The following PKN2 variants were observed in gnomAD, a reference collection of about 807,000 sequenced individuals.
PKN2 encodes protein kinase N2, also known as serine/threonine-protein kinase N2.
Under a neutral mutation model 119.1 loss-of-function variants are expected in PKN2, and 38 were observed. The observed-to-expected ratio is 0.32, with a 90% CI of 0.25 to 0.42. The LOEUF is 0.42. PKN2 is among the 10% of genes least tolerant of loss of function. The pLI is 1.00. For synonymous variants in PKN2, 390 were observed against 384.9 expected (o/e 1.01, Z -0.15); for missense variants, 850 against 1,165.1 (o/e 0.73, Z 3.94).
chr1:88,684,954 G>A, intron 1 of PKN2: 1 of 287,080 alleles, frequency 3.5e-6, no homozygotes, highest in Non-Finnish European at 6.5e-6. Flanking sequence ...CCCTCCCTCG[G>A]TGTCAGAGCT....
intron 8 of PKN2, among the ~76,000 whole-genome samples, chr1:88,788,637 G>T (rs1183573125): frequency 6.6e-6 from 1 of 151,910 alleles, no homozygotes; most frequent in Non-Finnish European, 1.5e-5. Context: ...TAGAGATGGG[G>T]GTTCTCCATG....
At chr1:88,750,060 G>T (rs1255766263) in intron 2 of PKN2, among the ~76,000 whole-genome samples, 1 of 152,084 alleles carries the variant, frequency 6.6e-6, no homozygotes, top group East Asian at 1.9e-4. Flanking sequence ...TCGAGACCTT[G>T]GTTTTCTCAT....
Position 88,723,418 on chromosome 1 carries a change from C to CG in PKN2, c.49-17570_49-17569insG, listed in dbSNP as rs1170855197. Among the ~76,000 whole-genome samples, 4 of 148,460 alleles carry CG rather than the reference C, an allele frequency of 2.7e-5. 1 individual carries two copies. The highest frequency in any genetic ancestry group is 4.5e-4 in the South Asian group (2 of 4,406). ...GTAAGCCACCGTGCCCTGCCCCCCC[C>CG]CCTTTTATTTATTTGTTTATTTTGA... On this transcript the variant is annotated intron_variant, in intron 1 of 21. Transcript: ENST00000370521.
chr1:88,714,656 G>T (rs1557559100), intron 1 of PKN2, among the ~76,000 whole-genome samples: 1 of 152,116 alleles, frequency 6.6e-6, no homozygotes. Flanking sequence ...TACTTATCAG[G>T]TTAAGGAGAT....
intron 1 of PKN2, among the ~76,000 whole-genome samples, chr1:88,688,450 T>C (rs976773085): frequency 1.3e-5 from 2 of 152,232 alleles, no homozygotes; most frequent in Non-Finnish European, 1.5e-5. Flanking sequence ...TCTAATGTTA[T>C]AGTTGTATGA....
chr1:88,707,877 T>C (rs909264634), intron 1 of PKN2, among the ~76,000 whole-genome samples: 3 of 152,158 alleles, frequency 2.0e-5, no homozygotes, highest in African/African-American at 4.8e-5. Flanking sequence ...TCTTAGATAA[T>C]GGTGAAAGTA....
At chr1:88,804,335 T>C (rs1671449728) in intron 8 of PKN2, 56 bp from the exon 9 acceptor site, 2 of 1,287,800 alleles carry the variant, frequency 1.6e-6, no homozygotes, top group East Asian at 5.1e-5. Context: ...TTTATTCAAG[T>C]GTGTGTCCAA....
chr1:88,688,088 CTTT>C (rs35476552), intron 1 of PKN2, among the ~76,000 whole-genome samples: 1 of 147,218 alleles, frequency 6.8e-6, no homozygotes. Context: ...CTACACTATT[CTTT>C]TTTTTTTTTC....
intron 4 of PKN2, among the ~76,000 whole-genome samples, chr1:88,770,976 C>A (rs1328119753): frequency 6.7e-6 from 1 of 148,558 alleles, no homozygotes; most frequent in Admixed American, 6.8e-5. Context: ...AGATATTGAT[C>A]TAGAATGTAT....
chr1:88,715,510 C>T (rs568159243), intron 1 of PKN2, among the ~76,000 whole-genome samples: 2 of 152,218 alleles, frequency 1.3e-5, no homozygotes, highest in African/African-American at 4.8e-5. Context: ...GTGTATGTGT[C>T]CAGGAATTTA....
intron 2 of PKN2, among the ~76,000 whole-genome samples, chr1:88,754,576 G>A (rs929494320): frequency 6.6e-6 from 1 of 152,164 alleles, no homozygotes; most frequent in Admixed American, 6.5e-5. Context: ...GAAAGGTTTT[G>A]AACACAGAAT....
chr1:88,738,754 T>C (rs1668458379), intron 1 of PKN2, among the ~76,000 whole-genome samples: 1 of 152,230 alleles, frequency 6.6e-6, no homozygotes. Context: ...GATAAATGTG[T>C]AAGGATTGAA....
At chr1:88,787,724 T>C (rs1412653890) in intron 8 of PKN2, among the ~76,000 whole-genome samples, 2 of 152,224 alleles carry the variant, frequency 1.3e-5, no homozygotes, top group Non-Finnish European at 2.9e-5. Flanking sequence ...GTTTTTCGCC[T>C]CAATGGCATC....
At chr1:88,752,160 T>G (rs1480666118) in intron 2 of PKN2, among the ~76,000 whole-genome samples, 3 of 152,184 alleles carry the variant, frequency 2.0e-5, no homozygotes, top group African/African-American at 7.2e-5. Flanking sequence ...TTGGGAACTT[T>G]AGATGCATAT....
intron 1 of PKN2, chr1:88,685,068 G>C (rs1409932675): frequency 6.3e-6 from 1 of 159,344 alleles, no homozygotes; most frequent in Non-Finnish European, 1.4e-5. Flanking sequence ...CTCCCAAGCT[G>C]TTTTCTTGTC....
intron 8 of PKN2, among the ~76,000 whole-genome samples, chr1:88,801,126 G>A (rs903473491): frequency 5.9e-5 from 9 of 152,166 alleles, no homozygotes; most frequent in African/African-American, 2.2e-4. Flanking sequence ...GCTCACGACT[G>A]TAATCTCAGC....
At chr1:88,718,469 T>G (rs1426916592) in intron 1 of PKN2, among the ~76,000 whole-genome samples, 1 of 152,202 alleles carries the variant, frequency 6.6e-6, no homozygotes, top group Non-Finnish European at 1.5e-5. Context: ...TTTGTTTTGA[T>G]GTATTAAGAT....
chr1:88,734,240 G>T (rs116134689), intron 1 of PKN2, among the ~76,000 whole-genome samples: 2,953 of 151,684 alleles, frequency 0.019, 92 homozygotes, highest in African/African-American at 0.067. Context: ...TGTTGCCCAT[G>T]CTTTTCAGGT....
intron 19 of PKN2, among the ~76,000 whole-genome samples, chr1:88,831,575 A>G (rs1470834057): frequency 6.6e-6 from 1 of 151,966 alleles, no homozygotes; most frequent in Non-Finnish European, 1.5e-5. Flanking sequence ...TAAGCTTTGA[A>G]ATTTTCTTAG....
Sources: gnomAD v4.1 joint callset for allele counts (sites outside exome capture counted in the v4.1 genomes callset) on GRCh38, gnomAD v4.1.1 for gene constraint, MANE v1.5 for transcripts, NCBI Gene and HGNC (gene_info 2026-07-23, HGNC 2026-07-21) for gene names.